SPRED2: variants seen among roughly 807,000 people sequenced by gnomAD.
The protein encoded by SPRED2 is sprouty related EVH1 domain containing 2.
A neutral mutation model predicts 43.0 loss-of-function variants in SPRED2; 47 were observed. The observed-to-expected ratio is 1.09, with a 90% confidence interval of 0.87 to 1.40. SPRED2 has a LOEUF of 1.40. Ranked by LOEUF, SPRED2 falls within the 40% of genes most tolerant of loss-of-function variation. SPRED2 has a pLI of 0.00. For synonymous variants in SPRED2, 225 were observed against 225.7 expected (o/e 1.00, Z 0.03); for missense variants, 561 against 586.4 (o/e 0.96, Z 0.45).
At chr2:65,360,064 C>CAAA (rs1243375319) in intron 1 of SPRED2, among the ~76,000 whole-genome samples, 1 of 43,204 alleles carries the variant, frequency 2.3e-5, no homozygotes, top group Non-Finnish European at 4.8e-5. Flanking sequence ...GACTCCATCT[C>CAAA]AAAAAAAAAA....
intron 4 of SPRED2, among the ~76,000 whole-genome samples, chr2:65,324,071 T>G: frequency 6.7e-6 from 1 of 149,272 alleles, no homozygotes. Context: ...CCCAGAGGGG[T>G]GTGTCTGAGA....
intron 1 of SPRED2, among the ~76,000 whole-genome samples, chr2:65,418,935 T>C (rs547820700): frequency 6.6e-6 from 1 of 152,158 alleles, no homozygotes; most frequent in African/African-American, 2.4e-5. Context: ...TTTTAAAAAA[T>C]ATAAATTCTG....
In SPRED2 at chr2:65,311,401, A is replaced by C. The variant is rs1673063531; in HGVS notation, c.*2100T>G. 2 of 985,920 alleles carry C rather than the reference A, an allele frequency of 2.0e-6. No individual in the cohort carries two copies. The highest frequency in any genetic ancestry group is 2.3e-4 in the East Asian group (2 of 8,814). 61.1% of individuals were successfully genotyped at this position (985,920 alleles called of 1,614,324 possible). A position where few individuals can be genotyped will look rare whatever the true frequency, so the allele number is the denominator to read the frequency against. ...AGGACAAGGGGTGAAAGAAGAGAGA[A>C]ACAGGTAACAACTAAATAGAGGTGA... On this transcript the variant is annotated 3_prime_UTR_variant, in exon 6 of 6. Coordinates refer to ENST00000356388, the MANE Select transcript of SPRED2 (RefSeq NM_181784.3).
chr2:65,422,104 A>ACTCTCT (rs71398633), intron 1 of SPRED2, among the ~76,000 whole-genome samples: 5 of 129,028 alleles, frequency 3.9e-5, no homozygotes, highest in Admixed American at 2.3e-4. Context: ...ACACACACAC[A>ACTCTCT]CTCTCTCTCT....
At chr2:65,322,068 C>T (rs1251378752) in intron 4 of SPRED2, among the ~76,000 whole-genome samples, 2 of 151,828 alleles carry the variant, frequency 1.3e-5, no homozygotes, top group Non-Finnish European at 2.9e-5. Flanking sequence ...AGCTACCACG[C>T]CTGGCCTAAA....
At chr2:65,341,104 CGTGT>C (rs60332643) in intron 2 of SPRED2, among the ~76,000 whole-genome samples, 6,194 of 136,974 alleles carry the variant, frequency 0.045, 201 homozygotes, top group South Asian at 0.12. Context: ...TGGGTACGGG[CGTGT>C]GTGTGTGTGT....
intron 1 of SPRED2, among the ~76,000 whole-genome samples, chr2:65,389,696 T>G (rs1240834531): frequency 6.6e-6 from 1 of 152,216 alleles, no homozygotes; most frequent in Non-Finnish European, 1.5e-5. Context: ...TCTGGCATCG[T>G]TCTCAGAAAT....
At chr2:65,361,577 C>A (rs75624478) in intron 1 of SPRED2, among the ~76,000 whole-genome samples, 2,917 of 152,268 alleles carry the variant, frequency 0.019, 85 homozygotes, top group African/African-American at 0.067. Flanking sequence ...TGTATTCTAA[C>A]CTCAGTTGTA....
At chr2:65,377,757 C>T in intron 1 of SPRED2, 1 of 467,970 alleles carries the variant, frequency 2.1e-6, no homozygotes. Context: ...CTGGGCAACT[C>T]CCTAGGTAAC....
At chr2:65,381,875 C>G (rs1380250801) in intron 1 of SPRED2, among the ~76,000 whole-genome samples, 1 of 152,236 alleles carries the variant, frequency 6.6e-6, no homozygotes, top group African/African-American at 2.4e-5. Flanking sequence ...CAGTGGAATT[C>G]CCCCCACCAC....
At chr2:65,393,555 G>C (rs184717219) in intron 1 of SPRED2, among the ~76,000 whole-genome samples, 1 of 151,820 alleles carries the variant, frequency 6.6e-6, no homozygotes, top group Non-Finnish European at 1.5e-5. Context: ...GGCTGGTCTC[G>C]AACTCCTGAC....
Position 65,427,813 on chromosome 2 carries a change from C to A in SPRED2, c.26+4149G>T, listed in dbSNP as rs184308520. 2.0e-5 allele frequency among the ~76,000 whole-genome samples: 3 copies of A among 152,242 alleles called. No homozygotes were observed. In the East Asian group the frequency reaches 5.8e-4, roughly 29 times the overall value. On this transcript the variant is annotated intron_variant, in intron 1 of 5. Transcript: ENST00000356388. ...GTCAGAACGACTGAGGCTGGACCACCCCAATGGTTCATAGTGGTTAGTTAA... is the reference window on the plus strand; with the variant it reads ...GTCAGAACGACTGAGGCTGGACCACACCAATGGTTCATAGTGGTTAGTTAA...
chr2:65,423,831 T>C (rs34288960), intron 1 of SPRED2, among the ~76,000 whole-genome samples: 18,183 of 151,406 alleles, frequency 0.12, 1,644 homozygotes, highest in Non-Finnish European at 0.17. Context: ...TGGAGTGCAA[T>C]GGTGCAATCT....
intron 4 of SPRED2, among the ~76,000 whole-genome samples, chr2:65,331,487 T>C (rs866300645): frequency 1.2e-4 from 19 of 152,310 alleles, no homozygotes; most frequent in South Asian, 6.2e-4. Flanking sequence ...GGCCTAACCT[T>C]AAGTCAGCCT....
chr2:65,357,085 T>C (rs1405243893), intron 1 of SPRED2, among the ~76,000 whole-genome samples: 1 of 152,216 alleles, frequency 6.6e-6, no homozygotes, highest in Non-Finnish European at 1.5e-5. Flanking sequence ...CAGATCATGC[T>C]AGCAATAAGC....
chr2:65,348,913 T>G (rs1235993175), intron 1 of SPRED2, among the ~76,000 whole-genome samples: 1 of 152,172 alleles, frequency 6.6e-6, no homozygotes, highest in Non-Finnish European at 1.5e-5. Flanking sequence ...TCCTAAAAAT[T>G]GAAAAATCAT....
intron 1 of SPRED2, among the ~76,000 whole-genome samples, chr2:65,359,014 C>A (rs568390604): frequency 6.6e-6 from 1 of 152,326 alleles, no homozygotes; most frequent in East Asian, 1.9e-4. Context: ...ACCACTGAAT[C>A]TTGAATGGCT....
intron 4 of SPRED2, among the ~76,000 whole-genome samples, chr2:65,320,496 T>C (rs1558648735): frequency 1.3e-5 from 2 of 152,162 alleles, no homozygotes; most frequent in Non-Finnish European, 1.5e-5. Flanking sequence ...CCCAGACATT[T>C]GTCAGAGGAT....
At chr2:65,378,018 A>G (rs1221656899) in intron 1 of SPRED2, 3 of 236,600 alleles carry the variant, frequency 1.3e-5, no homozygotes, top group African/African-American at 6.7e-5. Context: ...GTAACATGTC[A>G]AGATCCCACC....
Sources: allele counts gnomAD v4.1 joint callset (sites outside exome capture counted in the v4.1 genomes callset), GRCh38; gene constraint gnomAD v4.1.1; transcripts MANE v1.5; gene names NCBI Gene and HGNC (gene_info 2026-07-23, HGNC 2026-07-21).